Variants in RPL22L1 observed in about 807,000 individuals in gnomAD.
RPL22L1 encodes the protein ribosomal protein eL22-like.
Under a neutral mutation model 17.3 loss-of-function variants are expected in RPL22L1, and 19 were observed. The observed-to-expected ratio is 1.10, with a 90% CI of 0.77 to 1.61. RPL22L1 has a LOEUF of 1.61. Ranked by LOEUF, RPL22L1 falls within the 40% of genes most tolerant of loss-of-function variation. RPL22L1 has a pLI of 0.00. For missense variants in RPL22L1, 139 were observed against 144.4 expected, an observed-to-expected ratio of 0.96 and a Z score of 0.19; for synonymous variants, 48 against 48.5, an observed-to-expected ratio of 0.99 and a Z score of 0.05.
intron 3 of RPL22L1, 57 bp downstream of exon 3, chr3:170,867,956 T>G: frequency 7.4e-7 from 1 of 1,345,106 alleles, no homozygotes; most frequent in Non-Finnish European, 1.0e-6. Flanking sequence ...TAACTACATA[T>G]TCTATGAAAT....
rs1403305235 is a variant in RPL22L1 at position 170,865,428 on chromosome 3, T to A, written c.*952A>T. 1 of 152,190 alleles carries A rather than the reference T, an allele frequency of 6.6e-6. No individual in the cohort carries two copies. The highest frequency in any genetic ancestry group is 1.5e-5 in the Non-Finnish European group (1 of 68,034). The allele number at this position is 152,190 out of a possible 1,614,324, so 9.4% of individuals were successfully genotyped here. ...TGCCAAACCATTTCGATTAGAGCTT[T>A]CAAAGGCCAGTTTATTCGGGAGAAA... On this transcript the variant is annotated 3_prime_UTR_variant, in exon 4 of 4. Transcript: ENST00000295830.
At position 170,866,422 on chromosome 3, in the gene RPL22L1, G is replaced by A. The variant is rs2108279644; in HGVS notation, c.327C>T (p.Phe109=). The change falls in exon 4 of 4, where the codon TTC becomes TTT. Residue 109 remains phenylalanine, a synonymous_variant. Coordinates refer to ENST00000295830, the MANE Select transcript of RPL22L1 (RefSeq NM_001099645.2). ...ATTCATCTTCATCTTGACTAATCTG[G>A]AAGTAACGAAGTTCGTAGGTCTCCT... ...SDKETYELRY[F]QISQDEDESE... The A allele has an allele frequency of 1.2e-6, 2 of 1,604,676 alleles. No individual in the cohort carries two copies. The highest frequency in any genetic ancestry group is 4.5e-5 in the East Asian group (2 of 44,650).
In RPL22L1 at chr3:170,868,364, T is replaced by A; in HGVS notation, c.36A>T (p.Ser12=). Residue 12 remains serine (S), a synonymous_variant, in exon 2 of 4, where the codon TCA becomes TCT. Transcript: ENST00000295830. ...APQKDRKPKR[S]TWRFNLDLTH... is the part of the protein sequence containing the mutation. ...TAAGGTCCAAATTAAACCTCCAGGT[T>A]GACCTCTTGGGCTTCCTGTCTTTCT... 4 of 1,608,982 alleles carry A rather than the reference T, an allele frequency of 2.5e-6. No homozygotes were observed. The highest frequency in any genetic ancestry group is 3.4e-6 in the Non-Finnish European group (4 of 1,177,356).
At chr3:170,869,111 C>G (rs1711887770) in intron 1 of RPL22L1, among the ~76,000 whole-genome samples, 1 of 124,814 alleles carries the variant, frequency 8.0e-6, no homozygotes, top group South Asian at 2.4e-4. Flanking sequence ...CAGACTCTGT[C>G]TCAAAAAAAA....
Position 170,868,324 on chromosome 3 carries a change from C to A in RPL22L1, c.76G>T (p.Asp26Tyr). 6.2e-7 allele frequency: 1 copy of A among 1,609,958 alleles called. No homozygotes were observed. Among genetic ancestry groups the A allele is most frequent in the Non-Finnish European group, 8.5e-7 (1 of 1,177,864 alleles). The change falls in exon 2 of 4, where the codon GAT becomes TAT. Residue 26 changes from aspartate (D) to tyrosine (Y), a missense_variant. Coordinates refer to ENST00000295830, the MANE Select transcript of RPL22L1 (RefSeq NM_001099645.2). ...FNLDLTHPVE[D>Y]GIFDSGNFEQ... The stretch of plus-strand genomic sequence containing the variant: ...AAATTTCCAGAATCAAAAATTCCAT[C>A]TTCTACTGGATGAGTAAGGTCCAAA...
intron 3 of RPL22L1, among the ~76,000 whole-genome samples, chr3:170,866,994 T>C (rs1406909073): frequency 6.6e-6 from 1 of 152,074 alleles, no homozygotes; most frequent in East Asian, 1.9e-4. Context: ...GTAACTAGAG[T>C]TGTATTTTAC....
Position 170,866,245 on chromosome 3 carries a change from CAAA to C in RPL22L1, c.*132_*134del. ...ATCAAAATCATATAAACAGCATACT[CAAA>C]AAAATGAGACAAAAGTTCAAGAGTA... On this transcript the variant is annotated 3_prime_UTR_variant, in exon 4 of 4. Transcript: ENST00000295830. 1.5e-6 allele frequency: 1 copy of C among 680,436 alleles called. No individual in the cohort carries two copies. The highest frequency in any genetic ancestry group is 2.3e-6 in the Non-Finnish European group (1 of 426,694). 42.1% of individuals were successfully genotyped at this position (680,436 alleles called of 1,614,324 possible). A position where few individuals can be genotyped will look rare whatever the true frequency, so the allele number is the denominator to read the frequency against.
chr3:170,866,389 C>T lies in RPL22L1; in HGVS notation c.360G>A (p.Ser120=), dbSNP rs779229922. ...QISQDEDESE[S]ED ...TAAGGGGAGCCTTTGCCTAGTCCTCCGACTCTGATTCATCTTCATCTTGAC... is the reference window on the plus strand; with the variant it reads ...TAAGGGGAGCCTTTGCCTAGTCCTCTGACTCTGATTCATCTTCATCTTGAC... Residue 120 remains serine (S), a synonymous_variant, in exon 4 of 4, where the codon TCG becomes TCA. Coordinates refer to ENST00000295830, the MANE Select transcript of RPL22L1 (RefSeq NM_001099645.2). 84 of 1,603,694 alleles carry T rather than the reference C, an allele frequency of 5.2e-5. No homozygotes were observed. In the East Asian group the frequency reaches 1.6e-3, roughly 30 times the overall value.
chr3:170,870,100 T>C (rs994470496), intron 1 of RPL22L1, 59 bp downstream of exon 1: 22 of 1,612,994 alleles, frequency 1.4e-5, no homozygotes, highest in Non-Finnish European at 1.8e-5. Context: ...GCAAAAATCG[T>C]TACAGCGGAA....
Position 170,868,295 on chromosome 3 carries a change from T to C in RPL22L1, c.102+3A>G, listed in dbSNP as rs1711849028. On this transcript the variant is annotated splice_donor_region_variant and intron_variant, in intron 2 of 3. Coordinates refer to ENST00000295830, the MANE Select transcript of RPL22L1 (RefSeq NM_001099645.2). The stretch of plus-strand genomic sequence containing the variant: ...AAAATAAGCCGAGTAGAATGATACT[T>C]ACAAAATTTCCAGAATCAAAAATTC... 4.4e-6 allele frequency: 7 copies of C among 1,588,818 alleles called. No homozygotes were observed. Among genetic ancestry groups the C allele is most frequent in the Non-Finnish European group, 5.2e-6 (6 of 1,158,950 alleles).
intron 1 of RPL22L1, 144 bp from the exon 2 acceptor site, chr3:170,868,534 C>T: frequency 1.8e-6 from 1 of 553,964 alleles, no homozygotes; most frequent in East Asian, 3.0e-5. Flanking sequence ...TAAAAAAACA[C>T]CACCACTACC....
Position 170,868,025 on chromosome 3 carries a change from T to G in RPL22L1, c.212A>C (p.Gln71Pro). The change falls in exon 3 of 4, where the codon CAG (glutamine) becomes CCG (proline). Residue 71 changes from glutamine to proline, a missense_variant. Coordinates refer to ENST00000295830, the MANE Select transcript of RPL22L1 (RefSeq NM_001099645.2). ...CAAAAGTACCAACCTTTTAGAGAAC[T>G]GTTTCTCAGAAACAACTGTGATTTT... The part of the protein sequence containing the change: ...KNKITVVSEK[Q>P]FSKRYLKYLT... 1.3e-6 allele frequency: 2 copies of G among 1,596,948 alleles called. No homozygotes were observed. Among genetic ancestry groups the G allele is most frequent in the South Asian group, 1.1e-5 (1 of 88,064 alleles).
In RPL22L1 at chr3:170,870,153, A is replaced by G. The variant is rs750615835; in HGVS notation, c.9+6T>C. On this transcript the variant is annotated splice_donor_region_variant and intron_variant, in intron 1 of 3. Coordinates refer to ENST00000295830, the MANE Select transcript of RPL22L1 (RefSeq NM_001099645.2). ...CAACACTCCCACCAAGACATCGCTC[A>G]CTCACCGGCGCCATCTTGCGAGTCG... 6.8e-6 allele frequency: 11 copies of G among 1,613,964 alleles called. No homozygotes were observed. The highest frequency in any genetic ancestry group is 1.6e-4 in the Middle Eastern group (1 of 6,062).
Position 170,868,081 on chromosome 3 carries a change from C to T in RPL22L1, c.156G>A (p.Gly52=), listed in dbSNP as rs781645940. The T allele has an allele frequency of 2.5e-6, 4 of 1,605,414 alleles. No homozygotes were observed. The highest frequency in any genetic ancestry group is 2.6e-6 in the Non-Finnish European group (3 of 1,175,014). The change falls in exon 3 of 4, where the codon GGG becomes GGA. Residue 52 remains glycine, a synonymous_variant. Coordinates refer to ENST00000295830, the MANE Select transcript of RPL22L1 (RefSeq NM_001099645.2). ...TGAAGCGTTCAATGTGAACAACATT[C>T]CCGAGATTTCCAGTTTTGCCATTGA... The part of the protein sequence containing the change: ...VKVNGKTGNL[G]NVVHIERFKN...
rs1033052808 is a variant in RPL22L1, at chr3:170,868,515, A to G, written c.10-125T>C. 21 of 579,896 alleles carry G rather than the reference A, an allele frequency of 3.6e-5. No individual in the cohort carries two copies. In the African/African-American group the frequency reaches 3.8e-4, roughly 11 times the overall value. The allele number at this position is 579,896 out of a possible 1,614,324, so 35.9% of individuals were successfully genotyped here. A position where few individuals can be genotyped will look rare whatever the true frequency, so the allele number is the denominator to read the frequency against. On this transcript the variant is annotated intron_variant, in intron 1 of 3. Coordinates refer to ENST00000295830, the MANE Select transcript of RPL22L1 (RefSeq NM_001099645.2). ...TGTTAGGTTACATATACAGAAATGT[A>G]ACAATAAATAAAAAAACACCACCAC...
rs1004740629 is a variant in RPL22L1 at position 170,865,428 on chromosome 3, TC to T, written c.*951del. Reference sequence around the variant, plus strand: ...TGCCAAACCATTTCGATTAGAGCTTTCAAAGGCCAGTTTATTCGGGAGAAAG... The same window carrying T: ...TGCCAAACCATTTCGATTAGAGCTTTAAAGGCCAGTTTATTCGGGAGAAAG... On this transcript the variant is annotated 3_prime_UTR_variant, in exon 4 of 4. Transcript: ENST00000295830. 2 of 152,190 alleles carry T rather than the reference TC, an allele frequency of 1.3e-5. No individual in the cohort carries two copies. The allele number at this position is 152,190 out of a possible 1,614,324, so 9.4% of individuals were successfully genotyped here. A position where few individuals can be genotyped will look rare whatever the true frequency, so the allele number is the denominator to read the frequency against.
Position 170,868,817 on chromosome 3 carries a change from AAG to A in RPL22L1, c.10-429_10-428del, listed in dbSNP as rs1408831419. On this transcript the variant is annotated intron_variant, in intron 1 of 3. Coordinates refer to ENST00000295830, the MANE Select transcript of RPL22L1 (RefSeq NM_001099645.2). Reference sequence around the variant, plus strand: ...GGGGACTTTGGTAAAAAAAAAAAAAAAGAAAAGAAAAGAAAAAGAAAAAATAA... The same window carrying A: ...GGGGACTTTGGTAAAAAAAAAAAAAAAAAAGAAAAGAAAAAGAAAAAATAA... 2.5e-3 allele frequency among the ~76,000 whole-genome samples: 370 copies of A among 148,536 alleles called. 7 individuals are homozygous for A. Among genetic ancestry groups the A allele is most frequent in the African/African-American group, 7.9e-3 (321 of 40,470 alleles).
intron 1 of RPL22L1, among the ~76,000 whole-genome samples, chr3:170,869,113 C>CAAA (rs35400944): frequency 3.1e-5 from 4 of 130,622 alleles, no homozygotes; most frequent in Admixed American, 1.5e-4. Flanking sequence ...GACTCTGTCT[C>CAAA]AAAAAAAAAA....
In RPL22L1 at chr3:170,866,381, TA is replaced by T; in HGVS notation, c.367del (p.Ter123ArgfsTer12). ...AAGCCCTGTAAGGGGAGCCTTTGCC[TA>T]GTCCTCCGACTCTGATTCATCTTCA... is the stretch of plus-strand genomic sequence containing the variant. ...QDEDESESED[*>X] is the part of the protein sequence containing the mutation. On this transcript the variant is annotated frameshift_variant and stop_lost, in exon 4 of 4. Coordinates refer to ENST00000295830, the MANE Select transcript of RPL22L1 (RefSeq NM_001099645.2). LOFTEE classifies it high-confidence loss of function. The T allele has an allele frequency of 6.2e-7, 1 of 1,601,838 alleles. No individual in the cohort carries two copies. Among genetic ancestry groups the T allele is most frequent in the Non-Finnish European group, 8.5e-7 (1 of 1,173,398 alleles).
Sources: allele counts gnomAD v4.1 joint callset (sites outside exome capture counted in the v4.1 genomes callset), GRCh38; gene constraint gnomAD v4.1.1; transcripts MANE v1.5; gene names NCBI Gene and HGNC (gene_info 2026-07-23, HGNC 2026-07-21).